The following GPRIN3 variants were observed in gnomAD, a reference collection of about 807,000 sequenced individuals.
GPRIN3 encodes GPRIN family member 3.
In GPRIN3, 12 loss-of-function variants were observed where a neutral mutation model predicts 13.7. That is an observed-to-expected ratio of 0.87 (90% CI 0.56 to 1.42). The LOEUF (loss-of-function observed/expected upper bound fraction) is 1.42. Among genes scored for constraint, GPRIN3 ranks in the 40% most tolerant of loss-of-function variants. The pLI is 0.00. For synonymous variants in GPRIN3, 377 were observed against 372.7 expected (o/e 1.01, Z -0.13); for missense variants, 1,009 against 958.7 (o/e 1.05, Z -0.69).
chr4:89,285,110 A>C (rs1561220119), intron 1 of GPRIN3, among the ~76,000 whole-genome samples: 1 of 142,450 alleles, frequency 7.0e-6, no homozygotes, highest in Non-Finnish European at 1.5e-5. Flanking sequence ...TTTCATCTCC[A>C]CCCCAACCAA....
intron 1 of GPRIN3, among the ~76,000 whole-genome samples, chr4:89,298,313 G>A (rs777657206): frequency 1.7e-4 from 26 of 152,110 alleles, no homozygotes; most frequent in Non-Finnish European, 3.8e-4. Flanking sequence ...GTGGAGTATG[G>A]GAAAGACATA....
At chr4:89,272,954 C>T (rs559021976) in intron 1 of GPRIN3, among the ~76,000 whole-genome samples, 2 of 152,246 alleles carry the variant, frequency 1.3e-5, no homozygotes, top group South Asian at 4.2e-4. Context: ...TGGTATCTAT[C>T]ACAGAATCTA....
At chr4:89,254,015 C>T (rs934769343) in intron 1 of GPRIN3, among the ~76,000 whole-genome samples, 1 of 152,064 alleles carries the variant, frequency 6.6e-6, no homozygotes, top group Non-Finnish European at 1.5e-5. Flanking sequence ...GTGTCTTTAT[C>T]ATCAACCAGA....
chr4:89,269,158 C>G (rs1723859311), intron 1 of GPRIN3, among the ~76,000 whole-genome samples: 1 of 152,136 alleles, frequency 6.6e-6, no homozygotes, highest in Non-Finnish European at 1.5e-5. Context: ...ATTTTATAAA[C>G]AATGTTTAAT....
At chr4:89,270,094 A>G (rs1362547044) in intron 1 of GPRIN3, among the ~76,000 whole-genome samples, 1 of 152,176 alleles carries the variant, frequency 6.6e-6, no homozygotes, top group Non-Finnish European at 1.5e-5. Flanking sequence ...AACAGAATAC[A>G]TGGTGACATT....
chr4:89,295,051 T>A (rs945440782), intron 1 of GPRIN3, among the ~76,000 whole-genome samples: 5 of 152,196 alleles, frequency 3.3e-5, no homozygotes, highest in Non-Finnish European at 5.9e-5. Context: ...AAATTCCTCA[T>A]ATGACTCAGA....
At position 89,248,354 on chromosome 4, in the gene GPRIN3, C is replaced by T. The variant is rs1044460163; in HGVS notation, c.1757G>A (p.Arg586Lys). Residue 586 changes from arginine (R) to lysine (K), a missense_variant, in exon 2 of 2, where the codon AGG becomes AAG. Arg to Lys is a conservative substitution (Grantham distance 26). Transcript: ENST00000609438. ...SAANPTPSPI[R>K]KNQESTLEEN... ...TTCTAAGGTGCTCTCCTGGTTCTTC[C>T]TAATTGGGGAGGGTGTAGGATTAGC... is the stretch of plus-strand genomic sequence containing the variant. 1.9e-6 allele frequency: 3 copies of T among 1,614,008 alleles called. No individual in the cohort carries two copies. Among genetic ancestry groups the T allele is most frequent in the Non-Finnish European group, 1.7e-6 (2 of 1,180,018 alleles).
Position 89,245,004 on chromosome 4 carries a change from T to A in GPRIN3, c.*2776A>T, listed in dbSNP as rs1033825904. The A allele has an allele frequency of 6.6e-6, 1 of 152,206 alleles. No individual in the cohort carries two copies. Among genetic ancestry groups the A allele is most frequent in the Non-Finnish European group, 1.5e-5 (1 of 68,032 alleles). The allele number at this position is 152,206 out of a possible 1,614,324, so 9.4% of individuals were successfully genotyped here. On this transcript the variant is annotated 3_prime_UTR_variant, in exon 2 of 2. Coordinates refer to ENST00000609438, the MANE Select transcript of GPRIN3 (RefSeq NM_198281.3). ...CAAGAGTCTACCAAGAAAACTGTTT[T>A]GCAGCTTCATCTGTTGAATGAACCT... is the stretch of plus-strand genomic sequence containing the variant.
At chr4:89,306,520 A>G (rs1725037514) in intron 1 of GPRIN3, among the ~76,000 whole-genome samples, 1 of 152,166 alleles carries the variant, frequency 6.6e-6, no homozygotes, top group Non-Finnish European at 1.5e-5. Context: ...AAACAAAATA[A>G]AAACATAGTC....
chr4:89,263,321 T>C (rs1319478981), intron 1 of GPRIN3, among the ~76,000 whole-genome samples: 1 of 152,232 alleles, frequency 6.6e-6, no homozygotes, highest in Non-Finnish European at 1.5e-5. Context: ...ATCCATTTCA[T>C]TTTCTGATTG....
chr4:89,249,296 C>T lies in GPRIN3; in HGVS notation c.815G>A (p.Ser272Asn), dbSNP rs1171633500. Residue 272 changes from serine (S) to asparagine (N), a missense_variant, in exon 2 of 2, where the codon AGC becomes AAC. By Grantham distance (46) the Ser-to-Asn change is conservative. Transcript: ENST00000609438. ...SVTPQPTPLT[S>N]EPSACPPGPE... ...ACCTGGGGGACATGCCGAAGGTTCG[C>T]TAGTGAGGGGGGTTGGTTGAGGTGT... The T allele has an allele frequency of 6.2e-7, 1 of 1,614,000 alleles. No individual in the cohort carries two copies. The highest frequency in any genetic ancestry group is 1.3e-5 in the African/African-American group (1 of 75,028).
chr4:89,270,577 A>ATATATATAT (rs1553951343), intron 1 of GPRIN3, among the ~76,000 whole-genome samples: 50 of 99,160 alleles, frequency 5.0e-4, no homozygotes, highest in African/African-American at 2.9e-3. Context: ...ATATATATAT[A>ATATATATAT]TATATATATA....
At chr4:89,278,222 C>A (rs958723115) in intron 1 of GPRIN3, among the ~76,000 whole-genome samples, 1 of 152,084 alleles carries the variant, frequency 6.6e-6, no homozygotes, top group African/African-American at 2.4e-5. Context: ...AAGGATCGAT[C>A]ATTATGTCTC....
At chr4:89,281,671 T>C (rs1326948507) in intron 1 of GPRIN3, among the ~76,000 whole-genome samples, 1 of 152,226 alleles carries the variant, frequency 6.6e-6, no homozygotes, top group Non-Finnish European at 1.5e-5. Flanking sequence ...CTAACCCTGC[T>C]GACACCTTGT....
chr4:89,307,191 C>T (rs1725056249), intron 1 of GPRIN3, among the ~76,000 whole-genome samples: 1 of 151,810 alleles, frequency 6.6e-6, no homozygotes. Context: ...TATACACACA[C>T]ATACATACAT....
In GPRIN3 at chr4:89,250,102, A is replaced by G. The variant is rs747531696; in HGVS notation, c.9T>C (p.Thr3=). ...TAGCTGATCTCAGAGGGTCAGGTAC[A>G]GTCCCCATGGAATTTCTCTTCAGGA... is the stretch of plus-strand genomic sequence containing the variant. MG[T]VPDPLRSAKT... The change falls in exon 2 of 2, where the codon ACT becomes ACC. Residue 3 remains threonine, a synonymous_variant. Transcript: ENST00000609438. 19 of 1,611,982 alleles carry G rather than the reference A, an allele frequency of 1.2e-5. No homozygotes were observed. Among genetic ancestry groups the G allele is most frequent in the Non-Finnish European group, 1.4e-5 (16 of 1,178,908 alleles).
chr4:89,237,902 CA>C lies in GPRIN3; in HGVS notation c.*9877del, dbSNP rs1171396903. 1 of 152,134 alleles carries C rather than the reference CA, an allele frequency of 6.6e-6. No individual in the cohort carries two copies. The highest frequency in any genetic ancestry group is 1.5e-5 in the Non-Finnish European group (1 of 68,024). 9.4% of individuals were successfully genotyped at this position (152,134 alleles called of 1,614,324 possible). A position where few individuals can be genotyped will look rare whatever the true frequency, so the allele number is the denominator to read the frequency against. On this transcript the variant is annotated 3_prime_UTR_variant, in exon 2 of 2. Transcript: ENST00000609438. ...TGGCTGGAAACGGCACCTAATGAAA[CA>C]AACACCCACTGGTGGGACATAAACA...
intron 1 of GPRIN3, among the ~76,000 whole-genome samples, chr4:89,303,624 A>G (rs1724957850): frequency 1.0e-5 from 1 of 96,694 alleles, no homozygotes; most frequent in Non-Finnish European, 2.9e-5. Context: ...GGTGAAGATG[A>G]TCAGGGGAGG....
rs768905261 is a variant in GPRIN3, at chr4:89,247,911, A to T, written c.2200T>A (p.Ser734Thr). 8.1e-6 allele frequency: 13 copies of T among 1,614,038 alleles called. No homozygotes were observed. The highest frequency in any genetic ancestry group is 1.1e-5 in the Non-Finnish European group (13 of 1,180,024). ...IKTQNSQTRRSISSDTSSNKK... is the reference protein window; with the variant it reads ...IKTQNSQTRRTISSDTSSNKK... The stretch of plus-strand genomic sequence containing the variant: ...TTTGAAGAAGTATCTGAGGAAATGG[A>T]TCTCCGGGTCTGGCTATTTTGAGTT... The change falls in exon 2 of 2, where the codon TCC becomes ACC. Residue 734 changes from serine (S) to threonine (T), a missense_variant. Physicochemically the swap from Ser to Thr is moderately conservative, Grantham distance 58 (BLOSUM62 1). Transcript: ENST00000609438.
Sources: gnomAD v4.1 joint callset for allele counts (sites outside exome capture counted in the v4.1 genomes callset) on GRCh38, gnomAD v4.1.1 for gene constraint, MANE v1.5 for transcripts, NCBI Gene and HGNC (gene_info 2026-07-23, HGNC 2026-07-21) for gene names.